ZNF274: variants seen among roughly 807,000 people sequenced by gnomAD.
ZNF274 encodes the protein neurotrophin receptor-interacting factor homolog.
ZNF274 carries 23 observed loss-of-function variants against 42.5 expected under a neutral mutation model. The ratio of observed to expected loss-of-function variants is 0.54; its 90% CI spans 0.39 to 0.77. The LOEUF is 0.77. Ranked by LOEUF, ZNF274 falls within the 30% of genes least tolerant of loss-of-function variation. ZNF274 has a pLI of 0.00. For synonymous variants in ZNF274, 292 were observed against 305.4 expected, an observed-to-expected ratio of 0.96 and a Z score of 0.46; for missense variants, 679 against 806.5, an observed-to-expected ratio of 0.84 and a Z score of 1.91.
chr19:58,183,976 G>C lies in ZNF274; in HGVS notation c.11G>C (p.Arg4Thr), dbSNP rs1294626249. The change falls in exon 2 of 8, where the codon AGG becomes ACG. Residue 4 changes from arginine (R) to threonine (T), a missense_variant. Arg to Thr is a moderately conservative substitution (Grantham distance 71, BLOSUM62 -1). Coordinates refer to ENST00000617501, the MANE Select transcript of ZNF274 (RefSeq NM_133502.3). MAS[R>T]LPTAWSCEPV... ...GAGAAGGAGGAAACTATGGCCTCCAGGCTTCCGACGGCCTGGTCCTGTGTG... is the reference window on the plus strand; with the variant it reads ...GAGAAGGAGGAAACTATGGCCTCCACGCTTCCGACGGCCTGGTCCTGTGTG... 2 of 1,595,560 alleles carry C rather than the reference G, an allele frequency of 1.3e-6. No homozygotes were observed. The highest frequency in any genetic ancestry group is 1.8e-5 in the Admixed American group (1 of 56,974).
chr19:58,212,588 T>C lies in ZNF274; in HGVS notation c.1407T>C (p.His469=), dbSNP rs1257133511. The C allele has an allele frequency of 6.2e-7, 1 of 1,613,972 alleles. No homozygotes were observed. Among genetic ancestry groups the C allele is most frequent in the African/African-American group, 1.3e-5 (1 of 75,026 alleles). The change falls in exon 8 of 8, where the codon CAT becomes CAC. Residue 469 remains histidine, a synonymous_variant. Coordinates refer to ENST00000617501, the MANE Select transcript of ZNF274 (RefSeq NM_133502.3). The surrounding 1 kb of genome is among the most constrained non-coding windows in gnomAD (Gnocchi z 4.6). The stretch of plus-strand genomic sequence containing the variant: ...AACATAATTCACGTGTAAAAATTCA[T>C]CAGAAGAGCTGTGAAAGGCAAAAGG... ...SMKHNSRVKI[H]QKSCERQKAK...
Position 58,194,371 on chromosome 19 carries a change from C to CTTTTT in ZNF274, c.256+7350_256+7354dup, listed in dbSNP as rs766266627. ...GTGTTTTTTGTGTTTTGTTTTTTACCTTTTTTTTTTTTTTTTTTTTTTTTT... is the reference window on the plus strand; with the variant it reads ...GTGTTTTTTGTGTTTTGTTTTTTACCTTTTTTTTTTTTTTTTTTTTTTTTTTTTTT... On this transcript the variant is annotated intron_variant, in intron 4 of 7. Coordinates refer to ENST00000617501, the MANE Select transcript of ZNF274 (RefSeq NM_133502.3). Among the ~76,000 whole-genome samples, 496 of 64,158 alleles carry CTTTTT rather than the reference C, an allele frequency of 7.7e-3. 19 individuals carry two copies. The highest frequency in any genetic ancestry group is 0.015 in the African/African-American group (221 of 14,682). 42.1% of individuals were successfully genotyped at this position (64,158 alleles called of 152,430 possible). A position where few individuals can be genotyped will look rare whatever the true frequency, so the allele number is the denominator to read the frequency against.
intron 4 of ZNF274, chr19:58,202,109 A>G (rs1012519541): frequency 1.3e-5 from 2 of 152,280 alleles, no homozygotes; most frequent in African/African-American, 4.8e-5. Flanking sequence ...GTGATGGGGT[A>G]CTGTGCCCAG....
At chr19:58,205,703 GCCT>G (rs2075972128) in intron 4 of ZNF274, among the ~76,000 whole-genome samples, 2 of 152,152 alleles carry the variant, frequency 1.3e-5, no homozygotes, top group Non-Finnish European at 2.9e-5. Context: ...GTTTTGTGCT[GCCT>G]CCTCAGCATT....
intron 4 of ZNF274, among the ~76,000 whole-genome samples, chr19:58,190,122 C>CAA (rs531395871): frequency 9.5e-5 from 11 of 115,618 alleles, no homozygotes; most frequent in African/African-American, 2.2e-4. Context: ...GACTCTATCT[C>CAA]AAAAAAAAAA....
intron 4 of ZNF274, among the ~76,000 whole-genome samples, chr19:58,193,337 A>C (rs1169947835): frequency 6.6e-6 from 1 of 150,880 alleles, no homozygotes; most frequent in African/African-American, 2.4e-5. Flanking sequence ...TAGTAGAGAC[A>C]GGGTTTCACC....
At chr19:58,200,876 C>T (rs903465832) in intron 4 of ZNF274, among the ~76,000 whole-genome samples, 1 of 152,152 alleles carries the variant, frequency 6.6e-6, no homozygotes, top group African/African-American at 2.4e-5. Flanking sequence ...AAGGGTGGCA[C>T]TGGCATCTGG....
At position 58,207,260 on chromosome 19, in the gene ZNF274, G is replaced by A. The variant is rs115134289; in HGVS notation, c.739+58G>A. 2 of 1,529,374 alleles carry A rather than the reference G, an allele frequency of 1.3e-6. No individual in the cohort carries two copies. The highest frequency in any genetic ancestry group is 1.8e-6 in the Non-Finnish European group (2 of 1,138,260). 94.7% of individuals were successfully genotyped at this position (1,529,374 alleles called of 1,614,324 possible). A position where few individuals can be genotyped will look rare whatever the true frequency, so the allele number is the denominator to read the frequency against. On this transcript the variant is annotated intron_variant, in intron 5 of 7. Transcript: ENST00000617501. The surrounding 1 kb of genome is among the most constrained non-coding windows in gnomAD (Gnocchi z 5.6). ...ATGAGGGTGTCTTGGAGTACCCTGTGGGGGAGATAAGAACTCCAGGCTTCC... is the reference window on the plus strand; with the variant it reads ...ATGAGGGTGTCTTGGAGTACCCTGTAGGGGAGATAAGAACTCCAGGCTTCC...
chr19:58,191,151 G>A (rs1221896700), intron 4 of ZNF274, among the ~76,000 whole-genome samples: 1 of 152,122 alleles, frequency 6.6e-6, no homozygotes, highest in Non-Finnish European at 1.5e-5. Flanking sequence ...GTGCCCCTTG[G>A]TTTTTGAGAC....
chr19:58,201,816 A>AT (rs1477102323), intron 4 of ZNF274, among the ~76,000 whole-genome samples: 14 of 152,024 alleles, frequency 9.2e-5, no homozygotes, highest in African/African-American at 3.4e-4. Flanking sequence ...CACCAGGCAT[A>AT]TTTCTTTTGT....
rs2075987554 is a variant in ZNF274 at position 58,206,999 on chromosome 19, T to G, written c.536T>G (p.Leu179Arg). 1 of 1,610,554 alleles carries G rather than the reference T, an allele frequency of 6.2e-7. No homozygotes were observed. The highest frequency in any genetic ancestry group is 1.1e-5 in the South Asian group (1 of 90,528). Reference protein sequence around the residue: ...YKDMTGPREALDQLRELCHQW... With the variant: ...YKDMTGPREARDQLRELCHQW... Reference sequence around the variant, plus strand: ...GACATGACAGGTCCCCGGGAGGCCCTGGACCAGCTCCGAGAGCTGTGTCAC... The same window carrying G: ...GACATGACAGGTCCCCGGGAGGCCCGGGACCAGCTCCGAGAGCTGTGTCAC... The change falls in exon 5 of 8, where the codon CTG (leucine) becomes CGG (arginine). Residue 179 changes from leucine to arginine, a missense_variant. Around this residue, in one of 2 missense-constraint regions of ZNF274, gnomAD observed 456 missense variants for 590.1 expected, o/e 0.77. Transcript: ENST00000617501.
At chr19:58,195,663 A>G (rs2075833321) in intron 4 of ZNF274, among the ~76,000 whole-genome samples, 1 of 152,134 alleles carries the variant, frequency 6.6e-6, no homozygotes, top group Non-Finnish European at 1.5e-5. Context: ...AGCAGTCCCC[A>G]ACCTTTTTGG....
At chr19:58,198,725 AC>A (rs1269886638) in intron 4 of ZNF274, among the ~76,000 whole-genome samples, 3 of 152,180 alleles carry the variant, frequency 2.0e-5, no homozygotes, top group African/African-American at 7.2e-5. Context: ...GTAGGAATGA[AC>A]AAACAAAACA....
chr19:58,188,989 G>C (rs1215930045), intron 4 of ZNF274, among the ~76,000 whole-genome samples: 1 of 151,662 alleles, frequency 6.6e-6, no homozygotes, highest in Non-Finnish European at 1.5e-5. Context: ...TCTTTTTAAG[G>C]TTTGCAGATC....
intron 3 of ZNF274, 35 bp from the exon 4 acceptor site, chr19:58,186,912 A>AC: frequency 1.3e-6 from 2 of 1,575,800 alleles, no homozygotes; most frequent in Non-Finnish European, 1.7e-6. Flanking sequence ...CTGAACACAG[A>AC]CCCCCACAAG....
At chr19:58,188,459 A>G (rs2075726262) in intron 4 of ZNF274, among the ~76,000 whole-genome samples, 1 of 150,944 alleles carries the variant, frequency 6.6e-6, no homozygotes, top group Non-Finnish European at 1.5e-5. Context: ...CATCTCTACT[A>G]AAAATACAAA....
rs73939490 is a variant in ZNF274, at chr19:58,198,599, C to T, written c.257-8121C>T. Among the ~76,000 whole-genome samples, 931 of 152,134 alleles carry T rather than the reference C, an allele frequency of 6.1e-3. 9 individuals are homozygous for T. The highest frequency in any genetic ancestry group is 0.022 in the African/African-American group (894 of 41,506). Reference sequence around the variant, plus strand: ...TTCTTTGGAATTTTATATTAATTTTCGGAGGTGCTGCCCATAACTGTGATC... The same window carrying T: ...TTCTTTGGAATTTTATATTAATTTTTGGAGGTGCTGCCCATAACTGTGATC... On this transcript the variant is annotated intron_variant, in intron 4 of 7. Coordinates refer to ENST00000617501, the MANE Select transcript of ZNF274 (RefSeq NM_133502.3).
At position 58,210,047 on chromosome 19, in the gene ZNF274, A is replaced by T; in HGVS notation, c.826A>T (p.Ile276Phe). 6.2e-7 allele frequency: 1 copy of T among 1,613,790 alleles called. No homozygotes were observed. Among genetic ancestry groups the T allele is most frequent in the South Asian group, 1.1e-5 (1 of 91,080 alleles). ...GGAGGAGAAGCAGGAGGATGCAGCC[A>T]TCTGCCCAGTGACAGTGCTCCCTGA... ...QQEEKQEDAA[I>F]CPVTVLPEEP... The change falls in exon 6 of 8, where the codon ATC (isoleucine) becomes TTC (phenylalanine). Residue 276 changes from isoleucine to phenylalanine, a missense_variant. Transcript: ENST00000617501.
intron 4 of ZNF274, among the ~76,000 whole-genome samples, chr19:58,188,582 C>CACTCTAACCTG: frequency 7.5e-6 from 1 of 132,758 alleles, no homozygotes; most frequent in South Asian, 2.4e-4. Context: ...CATGCCACTG[C>CACTCTAACCTG]GTGACAGAGT....
Sources: allele counts gnomAD v4.1 joint callset (sites outside exome capture counted in the v4.1 genomes callset), GRCh38; gene constraint gnomAD v4.1.1; regional missense constraint gnomAD v4.1.1; non-coding constraint Gnocchi (gnomAD v3.1); transcripts MANE v1.5; gene names NCBI Gene and HGNC (gene_info 2026-07-23, HGNC 2026-07-21).